The following SPATA18 variants were observed in gnomAD, a reference collection of about 807,000 sequenced individuals.
SPATA18 encodes spermatogenesis associated 18.
A neutral mutation model predicts 68.1 loss-of-function variants in SPATA18; 54 were observed. That is an observed-to-expected ratio of 0.79 (90% CI 0.64 to 0.99). SPATA18 has a LOEUF of 0.99. Among genes scored for constraint, SPATA18 ranks in the 50% least tolerant of loss-of-function variants. SPATA18 has a pLI of 0.00. For missense variants in SPATA18, 724 were observed against 681.1 expected (o/e 1.06, Z -0.70); for synonymous variants, 242 against 244.8 (o/e 0.99, Z 0.11).
intron 3 of SPATA18, among the ~76,000 whole-genome samples, chr4:52,061,722 A>G (rs1159794491): frequency 6.6e-6 from 1 of 152,118 alleles, no homozygotes; most frequent in Admixed American, 6.5e-5. Context: ...ATTTGTGAGA[A>G]TTAAATGTGA....
chr4:52,086,472 G>C (rs376916859), intron 11 of SPATA18, among the ~76,000 whole-genome samples: 1 of 152,094 alleles, frequency 6.6e-6, no homozygotes, highest in African/African-American at 2.4e-5. Flanking sequence ...GTGTCCATGT[G>C]TTATCACTGT....
intron 5 of SPATA18, among the ~76,000 whole-genome samples, chr4:52,070,918 A>C (rs1739782439): frequency 6.6e-6 from 1 of 150,978 alleles, no homozygotes. Context: ...ACACATACAC[A>C]CCCCTTTTGA....
rs1742430406 is a variant in SPATA18 at position 52,096,467 on chromosome 4, A to C, written c.*1580A>C. On this transcript the variant is annotated 3_prime_UTR_variant, in exon 13 of 13. Transcript: ENST00000295213. ...TATTCTGAATATGAAATGAAAATTA[A>C]AGTTAATATAATCATCTATGTGCAT... 1 of 152,174 alleles carries C rather than the reference A, an allele frequency of 6.6e-6. No homozygotes were observed. Among genetic ancestry groups the C allele is most frequent in the African/African-American group, 2.4e-5 (1 of 41,442 alleles). 9.4% of individuals were successfully genotyped at this position (152,174 alleles called of 1,614,324 possible).
chr4:52,082,995 G>A, intron 10 of SPATA18: 1 of 985,354 alleles, frequency 1.0e-6, no homozygotes. Flanking sequence ...CAGAGGAGGT[G>A]GGAGAGAGGA....
At chr4:52,059,419 AT>A (rs1446303610) in intron 1 of SPATA18, among the ~76,000 whole-genome samples, 1 of 152,172 alleles carries the variant, frequency 6.6e-6, no homozygotes, top group Non-Finnish European at 1.5e-5. Flanking sequence ...TCAGTTAGAG[AT>A]TTGGCTTATG....
chr4:52,078,745 A>G lies in SPATA18; in HGVS notation c.1031A>G (p.His344Arg), dbSNP rs547447996. The part of the protein sequence containing the change: ...IIYIATVEAF[H>R]VAKMAFRHFK... ...CATTTTTATGTGCAGGAGGCATTCC[A>G]TGTAGCAAAAATGGCATTCAGACAC... The change falls in exon 8 of 13, where the codon CAT becomes CGT. Residue 344 changes from histidine to arginine, a missense_variant. Physicochemically the swap from His to Arg is conservative, Grantham distance 29. Coordinates refer to ENST00000295213, the MANE Select transcript of SPATA18 (RefSeq NM_145263.4). 28 of 1,579,310 alleles carry G rather than the reference A, an allele frequency of 1.8e-5. No individual in the cohort carries two copies. Among genetic ancestry groups the G allele is most frequent in the Admixed American group, 3.4e-5 (2 of 59,424 alleles).
Position 52,096,319 on chromosome 4 carries a change from T to C in SPATA18, c.*1432T>C, listed in dbSNP as rs1742419613. 6.6e-6 allele frequency: 1 copy of C among 152,176 alleles called. No homozygotes were observed. 9.4% of individuals were successfully genotyped at this position (152,176 alleles called of 1,614,324 possible). A position where few individuals can be genotyped will look rare whatever the true frequency, so the allele number is the denominator to read the frequency against. ...ATGACTTGGTCATCAGCTTGCTTTG[T>C]GGCACTGAGCAAGTTACTTCACTTC... On this transcript the variant is annotated 3_prime_UTR_variant, in exon 13 of 13. Coordinates refer to ENST00000295213, the MANE Select transcript of SPATA18 (RefSeq NM_145263.4).
At position 52,076,971 on chromosome 4, in the gene SPATA18, G is replaced by A; in HGVS notation, c.951G>A (p.Ala317=). The change falls in exon 7 of 13, where the codon GCG becomes GCA. Residue 317 remains alanine (A), a synonymous_variant. Coordinates refer to ENST00000295213, the MANE Select transcript of SPATA18 (RefSeq NM_145263.4). The stretch of plus-strand genomic sequence containing the variant: ...CCTATTCCCAGGCCCGCCTGGACGC[G>A]CAGTGCCTGCTGCGGCGCTGCATCG... ...SDSYSQARLD[A]QCLLRRCIDK... 1 of 1,613,822 alleles carries A rather than the reference G, an allele frequency of 6.2e-7. No individual in the cohort carries two copies. The highest frequency in any genetic ancestry group is 1.1e-5 in the South Asian group (1 of 90,958).
intron 4 of SPATA18, among the ~76,000 whole-genome samples, chr4:52,069,291 A>G (rs894792270): frequency 6.6e-5 from 10 of 152,230 alleles, no homozygotes; most frequent in Admixed American, 6.5e-4. Context: ...TTTGTGCTCA[A>G]TAAGTAGTAG....
At chr4:52,053,697 C>T (rs1738094636) in intron 1 of SPATA18, among the ~76,000 whole-genome samples, 1 of 152,186 alleles carries the variant, frequency 6.6e-6, no homozygotes, top group Admixed American at 6.5e-5. Flanking sequence ...ATTATATACT[C>T]CACTCCCTTT....
At chr4:52,057,591 T>C (rs1396239739) in intron 1 of SPATA18, among the ~76,000 whole-genome samples, 1 of 152,148 alleles carries the variant, frequency 6.6e-6, no homozygotes, top group African/African-American at 2.4e-5. Flanking sequence ...CAATAATACT[T>C]CTAATTATTG....
At chr4:52,058,984 C>A (rs1397492673) in intron 1 of SPATA18, among the ~76,000 whole-genome samples, 1 of 152,134 alleles carries the variant, frequency 6.6e-6, no homozygotes, top group Non-Finnish European at 1.5e-5. Flanking sequence ...TAGAGCCTGG[C>A]ATATAGGAGA....
At chr4:52,091,911 G>A (rs1174537145) in intron 11 of SPATA18, among the ~76,000 whole-genome samples, 1 of 152,212 alleles carries the variant, frequency 6.6e-6, no homozygotes, top group Non-Finnish European at 1.5e-5. Context: ...CCTGTCCAAA[G>A]AGGAGCAATC....
At chr4:52,076,176 G>A (rs1740322997) in intron 6 of SPATA18, among the ~76,000 whole-genome samples, 1 of 152,170 alleles carries the variant, frequency 6.6e-6, no homozygotes, top group South Asian at 2.1e-4. Context: ...ACATGGGGAT[G>A]TTTGATTAGG....
rs1738751112 is a variant in SPATA18, at chr4:52,060,629, T to C, written c.193+105T>C. ...GTTGGTGTGGTTGGGTTTCTCTCACTGACCTGATGACCTGATGTGTGTATT... is the reference window on the plus strand; with the variant it reads ...GTTGGTGTGGTTGGGTTTCTCTCACCGACCTGATGACCTGATGTGTGTATT... On this transcript the variant is annotated intron_variant, in intron 2 of 12. Transcript: ENST00000295213. The C allele has an allele frequency of 3.5e-6, 4 of 1,135,978 alleles. No homozygotes were observed. The Admixed American group carries it at 6.4e-5, about 18-fold the overall frequency. 70.4% of individuals were successfully genotyped at this position (1,135,978 alleles called of 1,614,324 possible). A position where few individuals can be genotyped will look rare whatever the true frequency, so the allele number is the denominator to read the frequency against.
chr4:52,086,133 G>T lies in SPATA18; in HGVS notation c.1563+1134G>T, dbSNP rs137871615. 8.0e-3 allele frequency among the ~76,000 whole-genome samples: 1,211 copies of T among 152,128 alleles called. 8 individuals are homozygous for T. Among genetic ancestry groups the T allele is most frequent in the Non-Finnish European group, 0.014 (921 of 67,972 alleles). ...GTGGTAGAGAAGGAGAATCACATCC[G>T]GCAACCCTACACACTTTTCTGAAAT... On this transcript the variant is annotated intron_variant, in intron 11 of 12. Transcript: ENST00000295213.
At chr4:52,056,252 T>C (rs1738334527) in intron 1 of SPATA18, among the ~76,000 whole-genome samples, 1 of 152,186 alleles carries the variant, frequency 6.6e-6, no homozygotes, top group African/African-American at 2.4e-5. Context: ...GTCCTGTCTC[T>C]CTTCTAAGCT....
At chr4:52,054,233 A>T (rs1306407030) in intron 1 of SPATA18, among the ~76,000 whole-genome samples, 2 of 152,270 alleles carry the variant, frequency 1.3e-5, no homozygotes, top group Non-Finnish European at 2.9e-5. Flanking sequence ...TGTCTCAGAC[A>T]GCACAGTTCT....
intron 1 of SPATA18, among the ~76,000 whole-genome samples, chr4:52,056,389 G>A (rs1264771678): frequency 2.0e-5 from 3 of 152,142 alleles, no homozygotes; most frequent in African/African-American, 7.2e-5. Flanking sequence ...TTTCCTCAGT[G>A]GTGAATTTTG....
Sources: allele counts gnomAD v4.1 joint callset (sites outside exome capture counted in the v4.1 genomes callset), GRCh38; gene constraint gnomAD v4.1.1; transcripts MANE v1.5; gene names NCBI Gene and HGNC (gene_info 2026-07-23, HGNC 2026-07-21).